EFNA5: variants seen among roughly 807,000 people sequenced by gnomAD.
The protein encoded by EFNA5 is ephrin-A5.
In EFNA5, 5 loss-of-function variants were observed where a neutral mutation model predicts 22.9. That is an observed-to-expected ratio of 0.22 (90% CI 0.11 to 0.46). The LOEUF (loss-of-function observed/expected upper bound fraction) is 0.46, where lower values mean the gene tolerates loss of function less well. Among genes scored for constraint, EFNA5 ranks in the 20% least tolerant of loss-of-function variants. EFNA5 has a pLI of 0.99. For synonymous variants in EFNA5, 113 were observed against 112.2 expected (o/e 1.01, Z -0.04); for missense variants, 237 against 293.3 (o/e 0.81, Z 1.40).
At position 107,479,007 on chromosome 5, in the gene EFNA5, T is replaced by C. The variant is rs553607922; in HGVS notation, c.126-51498A>G. Among the ~76,000 whole-genome samples, 37 of 152,270 alleles carry C rather than the reference T, an allele frequency of 2.4e-4. 1 individual carries two copies. Among genetic ancestry groups the C allele is most frequent in the Admixed American group, 5.9e-4 (9 of 15,284 alleles). On this transcript the variant is annotated intron_variant, in intron 1 of 4. Transcript: ENST00000333274. ...ATTCATACTGATTGAAAGGGCTCAATTTAAGAAAGTAATTTTAATTTAGAT... is the reference window on the plus strand; with the variant it reads ...ATTCATACTGATTGAAAGGGCTCAACTTAAGAAAGTAATTTTAATTTAGAT...
chr5:107,414,498 A>C lies in EFNA5; in HGVS notation c.418+12719T>G, dbSNP rs947753669. Among the ~76,000 whole-genome samples the C allele has an allele frequency of 2.4e-4, 37 of 152,176 alleles. 1 individual carries two copies. Among genetic ancestry groups the C allele is most frequent in the Admixed American group, 6.5e-5 (1 of 15,280 alleles). On this transcript the variant is annotated intron_variant, in intron 2 of 4. Coordinates refer to ENST00000333274, the MANE Select transcript of EFNA5 (RefSeq NM_001962.3). The stretch of plus-strand genomic sequence containing the variant: ...ACACTGTCCCCTACATTGGCCCTCT[A>C]GGTAAACATAGCTCAGTAAGCACTG...
Position 107,387,234 on chromosome 5 carries a change from C to T in EFNA5, c.565+1G>A. 2 of 1,600,218 alleles carry T rather than the reference C, an allele frequency of 1.2e-6. No individual in the cohort carries two copies. The highest frequency in any genetic ancestry group is 1.7e-6 in the Non-Finnish European group (2 of 1,170,710). On this transcript the variant is annotated splice_donor_variant, in intron 4 of 4. Transcript: ENST00000333274. LOFTEE classifies it high-confidence loss of function. ...AAAAGAGATTCTCTAAGCATACTAA[C>T]CTGCTGGTTCTAATGAATTTTCTAC...
chr5:107,528,287 C>T (rs566508879), intron 1 of EFNA5, among the ~76,000 whole-genome samples: 2 of 152,282 alleles, frequency 1.3e-5, no homozygotes, highest in South Asian at 4.1e-4. Context: ...TTGGTCCTTA[C>T]CTGATGGGAC....
At chr5:107,451,052 G>A (rs1749547138) in intron 1 of EFNA5, among the ~76,000 whole-genome samples, 4 of 152,190 alleles carry the variant, frequency 2.6e-5, no homozygotes, top group Admixed American at 2.6e-4. Context: ...AAAGCTGGAG[G>A]TCTTACCAAG....
intron 1 of EFNA5, among the ~76,000 whole-genome samples, chr5:107,433,682 G>A (rs2112428043): frequency 6.6e-6 from 1 of 152,266 alleles, no homozygotes; most frequent in African/African-American, 2.4e-5. Context: ...GATCACTTGA[G>A]CCCAGGAGTT....
intron 2 of EFNA5, among the ~76,000 whole-genome samples, chr5:107,407,862 G>T (rs1329465204): frequency 6.6e-6 from 1 of 152,058 alleles, no homozygotes; most frequent in Non-Finnish European, 1.5e-5. Flanking sequence ...ACATAGGGTT[G>T]GTCATAGTTA....
chr5:107,404,004 C>A (rs1023570242), intron 2 of EFNA5, among the ~76,000 whole-genome samples: 13 of 151,958 alleles, frequency 8.6e-5, no homozygotes, highest in African/African-American at 3.1e-4. Flanking sequence ...TTAAAATAGC[C>A]CAGAATCATA....
chr5:107,544,992 T>C (rs983147641), intron 1 of EFNA5, among the ~76,000 whole-genome samples: 1 of 152,244 alleles, frequency 6.6e-6, no homozygotes, highest in Non-Finnish European at 1.5e-5. Flanking sequence ...TGAGGCTGAT[T>C]TGAAGCCATG....
Position 107,629,987 on chromosome 5 carries a change from C to T in EFNA5, c.125+40502G>A, listed in dbSNP as rs558012846. 1.7e-4 allele frequency among the ~76,000 whole-genome samples: 25 copies of T among 149,784 alleles called. No individual in the cohort carries two copies. In the East Asian group the frequency reaches 3.7e-3, roughly 22 times the overall value. On this transcript the variant is annotated intron_variant, in intron 1 of 4. Transcript: ENST00000333274. Reference sequence around the variant, plus strand: ...GGGAGAATCTCTTGAACCTGGGAGGCGGAGGTTGCAGTGAGCCGAGATGGC... The same window carrying T: ...GGGAGAATCTCTTGAACCTGGGAGGTGGAGGTTGCAGTGAGCCGAGATGGC...
chr5:107,568,709 CA>C (rs1170906082), intron 1 of EFNA5, among the ~76,000 whole-genome samples: 3 of 152,148 alleles, frequency 2.0e-5, no homozygotes, highest in Non-Finnish European at 4.4e-5. Flanking sequence ...GAAATGCCAA[CA>C]TAAATAAAAC....
At chr5:107,498,985 T>TATGTATGTATGTATGC (rs1461454944) in intron 1 of EFNA5, among the ~76,000 whole-genome samples, 8 of 152,052 alleles carry the variant, frequency 5.3e-5, no homozygotes, top group Admixed American at 5.2e-4. Flanking sequence ...TGTATGTATG[T>TATGTATGTATGTATGC]ATGTATGTGT....
At chr5:107,506,372 G>T (rs1747250374) in intron 1 of EFNA5, among the ~76,000 whole-genome samples, 1 of 152,238 alleles carries the variant, frequency 6.6e-6, no homozygotes, top group African/African-American at 2.4e-5. Flanking sequence ...TTTAGTTGAA[G>T]AAGTAGTCTG....
intron 1 of EFNA5, among the ~76,000 whole-genome samples, chr5:107,634,391 T>C (rs1174019652): frequency 6.6e-6 from 1 of 152,080 alleles, no homozygotes; most frequent in African/African-American, 2.4e-5. Context: ...GTGGTATGCA[T>C]CTGTGGTCCT....
At chr5:107,546,840 C>T (rs773805409) in intron 1 of EFNA5, among the ~76,000 whole-genome samples, 33 of 151,982 alleles carry the variant, frequency 2.2e-4, no homozygotes, top group African/African-American at 6.0e-4. Flanking sequence ...TTTTGAGATC[C>T]GGTCATGTGA....
At chr5:107,571,810 A>T (rs922671558) in intron 1 of EFNA5, among the ~76,000 whole-genome samples, 1 of 151,934 alleles carries the variant, frequency 6.6e-6, no homozygotes, top group South Asian at 2.1e-4. Context: ...TCGTAGAGAC[A>T]CTCCTTTATG....
At chr5:107,560,068 T>C (rs1580530576) in intron 1 of EFNA5, among the ~76,000 whole-genome samples, 1 of 152,338 alleles carries the variant, frequency 6.6e-6, no homozygotes, top group Middle Eastern at 3.4e-3. Flanking sequence ...AGGGTAGTTA[T>C]ATAAAACTAG....
chr5:107,620,252 A>G (rs1750006605), intron 1 of EFNA5, among the ~76,000 whole-genome samples: 1 of 152,182 alleles, frequency 6.6e-6, no homozygotes, highest in Non-Finnish European at 1.5e-5. Flanking sequence ...CATTTGGGCA[A>G]CTCCTAATTG....
intron 1 of EFNA5, among the ~76,000 whole-genome samples, chr5:107,603,612 TAAATC>T (rs1349880517): frequency 6.6e-6 from 1 of 152,212 alleles, no homozygotes; most frequent in Non-Finnish European, 1.5e-5. Flanking sequence ...TAAAAAACAT[TAAATC>T]ACCAAATTTG....
chr5:107,619,180 C>A (rs552228633), intron 1 of EFNA5, among the ~76,000 whole-genome samples: 3 of 152,062 alleles, frequency 2.0e-5, no homozygotes, highest in East Asian at 1.9e-4. Context: ...CCACCTCGGC[C>A]TCCCAAAGTG....
Sources: gnomAD v4.1 joint callset for allele counts (sites outside exome capture counted in the v4.1 genomes callset) on GRCh38, gnomAD v4.1.1 for gene constraint, MANE v1.5 for transcripts, NCBI Gene and HGNC (gene_info 2026-07-23, HGNC 2026-07-21) for gene names.